BCAS4: variants seen among roughly 807,000 people sequenced by gnomAD.
BCAS4 encodes breast carcinoma-amplified sequence 4.
A neutral mutation model predicts 15.7 loss-of-function variants in BCAS4; 9 were observed. The observed-to-expected ratio is 0.57, with a 90% CI of 0.34 to 1.00. The LOEUF (loss-of-function observed/expected upper bound fraction) is 1.00, where lower values mean the gene tolerates loss of function less well. BCAS4 is among the 50% of genes least tolerant of loss of function. BCAS4 has a pLI of 0.02. For missense variants in BCAS4, 225 were observed against 239.1 expected (o/e 0.94, Z 0.39); for synonymous variants, 101 against 99.5 (o/e 1.02, Z -0.09).
At chr20:50,861,775 G>A (rs1270622674) in intron 4 of BCAS4, among the ~76,000 whole-genome samples, 1 of 151,456 alleles carries the variant, frequency 6.6e-6, no homozygotes, top group African/African-American at 2.4e-5. Context: ...TTTGCATCAG[G>A]GCCACTAGGC....
At chr20:50,879,510 C>T (rs1980075983), downstream of BCAS4, 2 of 152,190 alleles carry the variant, frequency 1.3e-5, no homozygotes, top group Admixed American at 6.5e-5. Context: ...GAGCGAGACC[C>T]TATCTCAAAA....
chr20:50,830,550 A>G (rs2088331843), intron 3 of BCAS4, among the ~76,000 whole-genome samples, 170 bp downstream of exon 3: 1 of 152,226 alleles, frequency 6.6e-6, no homozygotes, highest in African/African-American at 2.4e-5. Flanking sequence ...AAAAATCACA[A>G]GTAAAAATTT....
At chr20:50,812,383 C>CT (rs2088079423) in intron 1 of BCAS4, among the ~76,000 whole-genome samples, 1 of 151,034 alleles carries the variant, frequency 6.6e-6, no homozygotes, top group Non-Finnish European at 1.5e-5. Context: ...TCCGCCCCCC[C>CT]TTGGCCTCCC....
intron 4 of BCAS4, among the ~76,000 whole-genome samples, chr20:50,847,020 C>T (rs2088554319): frequency 6.6e-6 from 1 of 152,100 alleles, no homozygotes; most frequent in East Asian, 1.9e-4. Flanking sequence ...TGCTAGAAAA[C>T]TGTTTGGATT....
intron 2 of BCAS4, among the ~76,000 whole-genome samples, chr20:50,819,250 G>T (rs1044564080): frequency 2.0e-5 from 3 of 152,138 alleles, no homozygotes; most frequent in Admixed American, 1.3e-4. Context: ...TGCCAGCCAG[G>T]TGTGGAGCCC....
chr20:50,855,287 T>C (rs1405875830), intron 4 of BCAS4, among the ~76,000 whole-genome samples: 2 of 152,244 alleles, frequency 1.3e-5, no homozygotes, highest in Non-Finnish European at 2.9e-5. Context: ...TATTCTGGTC[T>C]GTCTCTATCT....
chr20:50,806,441 C>G (rs2087990355), intron 1 of BCAS4, among the ~76,000 whole-genome samples: 1 of 152,218 alleles, frequency 6.6e-6, no homozygotes, highest in African/African-American at 2.4e-5. Context: ...TTACCAATCA[C>G]TGGATAGCAA....
At chr20:50,867,838 CG>C (rs1391862637) in intron 4 of BCAS4, among the ~76,000 whole-genome samples, 3 of 152,240 alleles carry the variant, frequency 2.0e-5, no homozygotes, top group East Asian at 1.9e-4. Flanking sequence ...CATTTGAACC[CG>C]GGAGGCAGAG....
intron 4 of BCAS4, among the ~76,000 whole-genome samples, chr20:50,860,697 G>C (rs1366275126): frequency 6.6e-6 from 1 of 152,020 alleles, no homozygotes; most frequent in Non-Finnish European, 1.5e-5. Context: ...CCAACATGGC[G>C]AAACCCCGTC....
At chr20:50,797,497 C>T (rs1600840171) in intron 1 of BCAS4, among the ~76,000 whole-genome samples, 1 of 151,950 alleles carries the variant, frequency 6.6e-6, no homozygotes, top group South Asian at 2.1e-4. Flanking sequence ...GAGTTCAAGA[C>T]CAGTCTGGGC....
At chr20:50,865,681 G>T (rs1281063724) in intron 4 of BCAS4, among the ~76,000 whole-genome samples, 1 of 152,204 alleles carries the variant, frequency 6.6e-6, no homozygotes, top group Non-Finnish European at 1.5e-5. Context: ...GGCCTCGGCA[G>T]CCTCCCATGT....
chr20:50,823,350 A>C (rs1344182375), intron 2 of BCAS4, among the ~76,000 whole-genome samples: 1 of 152,164 alleles, frequency 6.6e-6, no homozygotes, highest in Non-Finnish European at 1.5e-5. Context: ...CCCGGCCCAA[A>C]AAAAAAAGAA....
intron 4 of BCAS4, among the ~76,000 whole-genome samples, chr20:50,863,653 A>G (rs886593888): frequency 1.3e-5 from 2 of 152,208 alleles, no homozygotes; most frequent in Admixed American, 6.5e-5. Context: ...TTCAGCATCA[A>G]AGTGAGAAAT....
rs11283878 is a variant in BCAS4 at position 50,818,292 on chromosome 20, T to TGCCTGGAAGGCGTGGGTTTAG, written c.162+14_162+34dup. On this transcript the variant is annotated intron_variant, in intron 2 of 4. Transcript: ENST00000371608. ...CAGCCTGGCTGACCTGGTGAGTGGC[T>TGCCTGGAAGGCGTGGGTTTAG]GCCTGGAAGGCGTGGGTTTAGGCCC... is the stretch of plus-strand genomic sequence containing the variant. 233,883 of 1,606,368 alleles carry TGCCTGGAAGGCGTGGGTTTAG rather than the reference T, an allele frequency of 0.15. 21,844 individuals are homozygous for TGCCTGGAAGGCGTGGGTTTAG. Among genetic ancestry groups the TGCCTGGAAGGCGTGGGTTTAG allele is most frequent in the African/African-American group, 0.45 (33,581 of 74,394 alleles).
chr20:50,854,499 G>C (rs1340714867), intron 4 of BCAS4, among the ~76,000 whole-genome samples: 1 of 152,178 alleles, frequency 6.6e-6, no homozygotes, highest in African/African-American at 2.4e-5. Flanking sequence ...AGTGAGGCAA[G>C]TTGCTATCAT....
intron 1 of BCAS4, among the ~76,000 whole-genome samples, chr20:50,812,401 T>G (rs1483793967): frequency 6.6e-6 from 1 of 151,498 alleles, no homozygotes; most frequent in African/African-American, 2.4e-5. Context: ...CCCAAAGTAC[T>G]GGGATTACAG....
At position 50,851,385 on chromosome 20, in the gene BCAS4, G is replaced by A. The variant is rs111355468; in HGVS notation, c.399+9485G>A. On this transcript the variant is annotated intron_variant, in intron 4 of 4. Coordinates refer to ENST00000371608, the MANE Select transcript of BCAS4 (RefSeq NM_198799.4). This position sits in a 1 kb window ranked among gnomAD's most constrained non-coding sequence, Gnocchi z 4.3. Reference sequence around the variant, plus strand: ...TCCCCACGGCTCCCAGGGACCTCCCGGGTTCGTTTCCTTCAAGGTCTTTGG... The same window carrying A: ...TCCCCACGGCTCCCAGGGACCTCCCAGGTTCGTTTCCTTCAAGGTCTTTGG... Among the ~76,000 whole-genome samples the A allele has an allele frequency of 1.1e-3, 168 of 152,222 alleles. No individual in the cohort carries two copies. The highest frequency in any genetic ancestry group is 6.4e-3 in the South Asian group (31 of 4,828).
chr20:50,819,804 G>A (rs73278675), intron 2 of BCAS4, among the ~76,000 whole-genome samples: 4,074 of 119,160 alleles, frequency 0.034, 77 homozygotes, highest in Non-Finnish European at 0.05. Flanking sequence ...CTGTCTTTCC[G>A]TCTTTCTGTC....
rs565407153 is a variant in BCAS4, at chr20:50,847,901, C to T, written c.399+6001C>T. ...TACCAAAAAAAATACAAAACTTTGC[C>T]AGGGGTGGTGGTGCATGCCTGTATT... is the stretch of plus-strand genomic sequence containing the variant. On this transcript the variant is annotated intron_variant, in intron 4 of 4. Transcript: ENST00000371608. Among the ~76,000 whole-genome samples the T allele has an allele frequency of 3.9e-5, 6 of 152,050 alleles. No individual in the cohort carries two copies. In the South Asian group the frequency reaches 1.0e-3, roughly 26 times the overall value.
Sources: allele counts gnomAD v4.1 joint callset (sites outside exome capture counted in the v4.1 genomes callset), GRCh38; gene constraint gnomAD v4.1.1; non-coding constraint Gnocchi (gnomAD v3.1); transcripts MANE v1.5; gene names NCBI Gene and HGNC (gene_info 2026-07-23, HGNC 2026-07-21).